The following SEMA3A variants were observed in gnomAD, a reference collection of about 807,000 sequenced individuals.
The protein encoded by SEMA3A is semaphorin 3A, also known as semaphorin-3A.
A neutral mutation model predicts 97.9 loss-of-function variants in SEMA3A; 29 were observed. The observed-to-expected ratio is 0.30, with a 90% CI of 0.22 to 0.40. The LOEUF (loss-of-function observed/expected upper bound fraction) is 0.40, where lower values mean the gene tolerates loss of function less well. Ranked by LOEUF, SEMA3A falls within the 10% of genes least tolerant of loss-of-function variation. The pLI is 1.00. For missense variants in SEMA3A, 763 were observed against 951.3 expected (o/e 0.80, Z 2.60); for synonymous variants, 321 against 323.7 (o/e 0.99, Z 0.09).
intron 12 of SEMA3A, among the ~76,000 whole-genome samples, chr7:83,986,852 C>A (rs1032709402): frequency 8.0e-6 from 1 of 125,482 alleles, no homozygotes; most frequent in East Asian, 1.9e-4. Context: ...GATGGTACCT[C>A]TTATGGGGTG....
chr7:84,211,866 A>C (rs1798636190), intron 3 of SEMA3A, among the ~76,000 whole-genome samples: 1 of 152,226 alleles, frequency 6.6e-6, no homozygotes, highest in South Asian at 2.1e-4. Context: ...TTCAAGATCA[A>C]TGTAAAGACA....
chr7:84,316,480 A>T (rs1801503765), intron 2 of SEMA3A, among the ~76,000 whole-genome samples: 2 of 151,894 alleles, frequency 1.3e-5, no homozygotes, highest in Admixed American at 6.6e-5. Flanking sequence ...TATACAAAAA[A>T]CTCCTTAGTT....
At position 84,017,779 on chromosome 7, in the gene SEMA3A, G is replaced by A. The variant is rs368191197; in HGVS notation, c.668-3428C>T. On this transcript the variant is annotated intron_variant, in intron 6 of 16. Transcript: ENST00000265362. ...TAGCCCTCTTTCTTATTCTCTAAGT[G>A]TATTCATCCCCTCACTGATGAATCA... 8.4e-4 allele frequency among the ~76,000 whole-genome samples: 127 copies of A among 152,050 alleles called. 2 individuals carry two copies. Among genetic ancestry groups the A allele is most frequent in the African/African-American group, 2.9e-3 (122 of 41,480 alleles).
intron 5 of SEMA3A, among the ~76,000 whole-genome samples, chr7:84,054,943 GTC>G (rs1180842661): frequency 1.9e-4 from 29 of 152,124 alleles, no homozygotes; most frequent in Non-Finnish European, 3.5e-4. Flanking sequence ...TCAGCTGCAG[GTC>G]TGTTGGAGTA....
At chr7:83,974,587 T>A (rs1013630616) in intron 15 of SEMA3A, among the ~76,000 whole-genome samples, 1 of 152,156 alleles carries the variant, frequency 6.6e-6, no homozygotes, top group Non-Finnish European at 1.5e-5. Flanking sequence ...ACAACATACA[T>A]GATTTAGTAA....
chr7:84,442,958 T>C (rs1156968113), intron 1 of SEMA3A, among the ~76,000 whole-genome samples: 1 of 151,940 alleles, frequency 6.6e-6, no homozygotes, highest in South Asian at 2.1e-4. Context: ...TAGGAGGCCA[T>C]CAAAATATAT....
chr7:83,994,020 T>C (rs1298479775), intron 12 of SEMA3A, among the ~76,000 whole-genome samples: 1 of 146,222 alleles, frequency 6.8e-6, no homozygotes, highest in Non-Finnish European at 1.5e-5. Context: ...CATTTCTTTT[T>C]ATTCTTTTTT....
intron 16 of SEMA3A, among the ~76,000 whole-genome samples, chr7:83,962,930 A>C (rs1486728785): frequency 6.6e-6 from 1 of 152,138 alleles, no homozygotes; most frequent in African/African-American, 2.4e-5. Flanking sequence ...TTTGTAGATA[A>C]ACACAGTAAG....
chr7:84,082,011 G>C (rs1368927759), intron 4 of SEMA3A, among the ~76,000 whole-genome samples: 1 of 152,012 alleles, frequency 6.6e-6, no homozygotes, highest in Non-Finnish European at 1.5e-5. Flanking sequence ...TTTAATTTCT[G>C]CTCTCCTCCT....
At chr7:84,441,032 C>T (rs1481499740) in intron 1 of SEMA3A, among the ~76,000 whole-genome samples, 1 of 152,030 alleles carries the variant, frequency 6.6e-6, no homozygotes, top group African/African-American at 2.4e-5. Context: ...GGGGCGCATG[C>T]CTGTAATCCC....
intron 1 of SEMA3A, among the ~76,000 whole-genome samples, chr7:84,447,128 C>G (rs1321314702): frequency 6.6e-6 from 1 of 152,164 alleles, no homozygotes; most frequent in African/African-American, 2.4e-5. Context: ...CAGGTGTGCA[C>G]ACATGTGGGG....
upstream of SEMA3A, among the ~76,000 whole-genome samples, chr7:84,197,053 G>T (rs1352461769): frequency 1.3e-5 from 2 of 151,958 alleles, no homozygotes; most frequent in Non-Finnish European, 2.9e-5. Flanking sequence ...GTCAAAAATG[G>T]CTCCATGGGG....
intron 1 of SEMA3A, among the ~76,000 whole-genome samples, chr7:84,490,199 CA>C (rs35030948): frequency 0.092 from 9,314 of 100,948 alleles, 282 homozygotes; most frequent in East Asian, 0.14. Context: ...GCTTTTCCAG[CA>C]AAAAAAAAAA....
At chr7:84,294,139 C>G (rs1427840212) in intron 3 of SEMA3A, among the ~76,000 whole-genome samples, 1 of 151,890 alleles carries the variant, frequency 6.6e-6, no homozygotes, top group Non-Finnish European at 1.5e-5. Flanking sequence ...TTACTTCTCT[C>G]CTTGTCTATT....
intron 3 of SEMA3A, among the ~76,000 whole-genome samples, chr7:84,207,279 T>C (rs1477796291): frequency 3.9e-5 from 6 of 152,148 alleles, no homozygotes; most frequent in African/African-American, 1.4e-4. Flanking sequence ...TCCTGGGAGA[T>C]GCAGGGTGGG....
chr7:84,467,888 T>C (rs1458313973), intron 1 of SEMA3A, among the ~76,000 whole-genome samples: 1 of 152,188 alleles, frequency 6.6e-6, no homozygotes, highest in African/African-American at 2.4e-5. Context: ...ATTATTATAG[T>C]ATTTTTATAT....
chr7:84,478,261 T>C (rs1275779608), intron 1 of SEMA3A, among the ~76,000 whole-genome samples: 1 of 152,136 alleles, frequency 6.6e-6, no homozygotes, highest in Non-Finnish European at 1.5e-5. Flanking sequence ...GTGTTCTTTC[T>C]ACCTCCCCAT....
At chr7:84,181,492 T>A (rs1389334877) in intron 1 of SEMA3A, among the ~76,000 whole-genome samples, 1 of 152,074 alleles carries the variant, frequency 6.6e-6, no homozygotes, top group Non-Finnish European at 1.5e-5. Context: ...AGAGATAGAC[T>A]GACGTAATTA....
At chr7:84,399,168 G>A (rs1309799912) in intron 1 of SEMA3A, among the ~76,000 whole-genome samples, 1 of 152,122 alleles carries the variant, frequency 6.6e-6, no homozygotes, top group African/African-American at 2.4e-5. Context: ...GGAACTCAGT[G>A]CCACCCTGTC....
Sources: gnomAD v4.1 joint callset for allele counts (sites outside exome capture counted in the v4.1 genomes callset) on GRCh38, gnomAD v4.1.1 for gene constraint, MANE v1.5 for transcripts, NCBI Gene and HGNC (gene_info 2026-07-23, HGNC 2026-07-21) for gene names.